The following SPOP variants were observed in gnomAD, a reference collection of about 807,000 sequenced individuals.
The protein encoded by SPOP is speckle-type POZ protein.
SPOP carries 11 observed loss-of-function variants against 45.6 expected under a neutral mutation model. The observed-to-expected ratio is 0.24, with a 90% CI of 0.15 to 0.40. The LOEUF (loss-of-function observed/expected upper bound fraction) is 0.40. Ranked by LOEUF, SPOP falls within the 10% of genes least tolerant of loss-of-function variation. SPOP has a pLI of 1.00. For missense variants in SPOP, 152 were observed against 465.6 expected (o/e 0.33, Z 6.20); for synonymous variants, 166 against 166.3 (o/e 1.00, Z 0.01).
intron 1 of SPOP, among the ~76,000 whole-genome samples, chr17:49,655,398 C>G (rs1168180700): frequency 3.3e-5 from 5 of 151,964 alleles, no homozygotes; most frequent in African/African-American, 1.2e-4. Flanking sequence ...GTAGTCCCAG[C>G]TACTCGGGAG....
chr17:49,625,506 G>A (rs2072310742), intron 1 of SPOP, among the ~76,000 whole-genome samples: 1 of 152,176 alleles, frequency 6.6e-6, no homozygotes, highest in Admixed American at 6.5e-5. Context: ...TACTCCGGAG[G>A]CTGAGGCAGG....
At chr17:49,605,351 C>T (rs2071817639) in intron 8 of SPOP, among the ~76,000 whole-genome samples, 1 of 152,176 alleles carries the variant, frequency 6.6e-6, no homozygotes, top group South Asian at 2.1e-4. Context: ...GGGTCCAGGG[C>T]CCCGCAAATA....
chr17:49,677,059 TAAG>T (rs1006313529), intron 1 of SPOP, among the ~76,000 whole-genome samples: 1 of 152,176 alleles, frequency 6.6e-6, no homozygotes, highest in African/African-American at 2.4e-5. Flanking sequence ...TCACACAAAG[TAAG>T]AAGGCCGGTG....
At chr17:49,608,001 G>T in intron 6 of SPOP, 72 bp from the exon 7 acceptor site, 1 of 1,424,694 alleles carries the variant, frequency 7.0e-7, no homozygotes, top group Non-Finnish European at 9.8e-7. Context: ...CAGTCATGAG[G>T]GAGAGATCAT....
intron 6 of SPOP, among the ~76,000 whole-genome samples, chr17:49,608,569 A>G (rs2071899460): frequency 6.6e-6 from 1 of 152,170 alleles, no homozygotes; most frequent in African/African-American, 2.4e-5. Context: ...TATTTCTCTC[A>G]TCAGGGAGAA....
intron 1 of SPOP, among the ~76,000 whole-genome samples, chr17:49,632,296 T>C (rs910413822): frequency 3.9e-5 from 6 of 152,156 alleles, no homozygotes; most frequent in African/African-American, 1.2e-4. Context: ...TACCCTTCCC[T>C]GATTAAAAAT....
intron 1 of SPOP, among the ~76,000 whole-genome samples, chr17:49,644,707 T>G (rs2072721678): frequency 6.6e-6 from 1 of 152,180 alleles, no homozygotes; most frequent in Non-Finnish European, 1.5e-5. Context: ...AAAATAAGAC[T>G]GCTGCAGAAC....
At chr17:49,630,052 C>T (rs1413844456) in intron 1 of SPOP, among the ~76,000 whole-genome samples, 2 of 152,166 alleles carry the variant, frequency 1.3e-5, no homozygotes, top group East Asian at 1.9e-4. Flanking sequence ...TTAAAAGCCT[C>T]TCTCTCTGCT....
chr17:49,676,380 T>C (rs1019111276), intron 1 of SPOP, among the ~76,000 whole-genome samples: 4 of 152,122 alleles, frequency 2.6e-5, no homozygotes, highest in Non-Finnish European at 5.9e-5. Context: ...ACTGTAACCA[T>C]GGCAACAGGA....
At position 49,651,880 on chromosome 17, in the gene SPOP, G is replaced by A. The variant is rs9909054; in HGVS notation, c.-67+26053C>T. On this transcript the variant is annotated intron_variant, in intron 1 of 9. Transcript: ENST00000504102. Reference sequence around the variant, plus strand: ...CTAAAAATACAAAAATTAGCCAGGCGTGGTGGCGGGCGCCTGTAATCCCAG... The same window carrying A: ...CTAAAAATACAAAAATTAGCCAGGCATGGTGGCGGGCGCCTGTAATCCCAG... Among the ~76,000 whole-genome samples, 1,282 of 152,136 alleles carry A rather than the reference G, an allele frequency of 8.4e-3. 20 individuals carry two copies. The highest frequency in any genetic ancestry group is 0.029 in the African/African-American group (1,215 of 41,480).
chr17:49,607,168 A>G, intron 8 of SPOP, 82 bp downstream of exon 8: 1 of 1,582,706 alleles, frequency 6.3e-7, no homozygotes, highest in Admixed American at 1.7e-5. Context: ...TTTTACCCAC[A>G]ATGCAACATA....
At chr17:49,640,662 T>C (rs1412303743) in intron 1 of SPOP, among the ~76,000 whole-genome samples, 2 of 152,142 alleles carry the variant, frequency 1.3e-5, no homozygotes, top group African/African-American at 4.8e-5. Context: ...TGATGGAACC[T>C]CCAGTAAAAT....
intron 1 of SPOP, among the ~76,000 whole-genome samples, chr17:49,660,048 T>C (rs1174797319): frequency 6.6e-6 from 1 of 152,216 alleles, no homozygotes; most frequent in South Asian, 2.1e-4. Context: ...CTGCAGAGAT[T>C]CTTACTTAAG....
chr17:49,649,701 C>T (rs1403741171), intron 1 of SPOP, among the ~76,000 whole-genome samples: 1 of 146,234 alleles, frequency 6.8e-6, no homozygotes, highest in African/African-American at 2.5e-5. Context: ...TGGTGGCAGG[C>T]GCCTGTAGTC....
At chr17:49,635,209 G>A (rs955685114) in intron 1 of SPOP, among the ~76,000 whole-genome samples, 2 of 152,104 alleles carry the variant, frequency 1.3e-5, no homozygotes, top group African/African-American at 4.8e-5. Context: ...CTAAGTAAAC[G>A]AAATGGAACA....
At chr17:49,649,604 G>C (rs973833577) in intron 1 of SPOP, among the ~76,000 whole-genome samples, 1 of 151,592 alleles carries the variant, frequency 6.6e-6, no homozygotes, top group Non-Finnish European at 1.5e-5. Context: ...AGGCCGAGGC[G>C]GGCAGATCAA....
chr17:49,624,830 CA>C (rs1480236765), intron 1 of SPOP, among the ~76,000 whole-genome samples: 1 of 130,052 alleles, frequency 7.7e-6, no homozygotes, highest in Non-Finnish European at 1.6e-5. Context: ...TAAACAAAGC[CA>C]AAAGACAAAC....
intron 5 of SPOP, 53 bp from the exon 6 acceptor site, chr17:49,611,510 G>A: frequency 6.5e-7 from 1 of 1,534,762 alleles, no homozygotes; most frequent in Non-Finnish European, 8.7e-7. Context: ...GAATTTTTTT[G>A]CCAGCAGATA....
chr17:49,646,612 T>TG (rs2072763394), intron 1 of SPOP: 4 of 152,164 alleles, frequency 2.6e-5, no homozygotes, highest in Non-Finnish European at 5.9e-5. Flanking sequence ...CCTTTCCAGT[T>TG]AAATGCTTTA....
Sources: gnomAD v4.1 joint callset for allele counts (sites outside exome capture counted in the v4.1 genomes callset) on GRCh38, gnomAD v4.1.1 for gene constraint, MANE v1.5 for transcripts, NCBI Gene and HGNC (gene_info 2026-07-23, HGNC 2026-07-21) for gene names.